Variants in SGK3 observed in about 807,000 individuals in gnomAD.
The protein encoded by SGK3 is serine/threonine-protein kinase Sgk3.
A neutral mutation model predicts 68.5 loss-of-function variants in SGK3; 47 were observed. The observed-to-expected ratio is 0.69, with a 90% CI of 0.54 to 0.87. The LOEUF (loss-of-function observed/expected upper bound fraction) is 0.87. SGK3 is among the 40% of genes least tolerant of loss of function. The pLI, the probability that SGK3 is intolerant of heterozygous loss-of-function variation, is 0.00. For synonymous variants in SGK3, 181 were observed against 189.1 expected (o/e 0.96, Z 0.35); for missense variants, 479 against 575.5 (o/e 0.83, Z 1.72).
chr8:66,784,724 A>G (rs1807128906), intron 1 of SGK3, among the ~76,000 whole-genome samples: 1 of 152,156 alleles, frequency 6.6e-6, no homozygotes, highest in Non-Finnish European at 1.5e-5. Context: ...TTTAATGTTC[A>G]TCTATTTTAA....
intron 1 of SGK3, among the ~76,000 whole-genome samples, chr8:66,755,822 C>G (rs1805957962): frequency 6.6e-6 from 1 of 152,120 alleles, no homozygotes; most frequent in African/African-American, 2.4e-5. Flanking sequence ...TATGTATTAA[C>G]AGGGTAAGTG....
intron 1 of SGK3, among the ~76,000 whole-genome samples, chr8:66,768,617 T>C (rs1276423503): frequency 3.3e-5 from 5 of 152,154 alleles, no homozygotes. Flanking sequence ...CAGTCTGGAG[T>C]GCAGTGGTGC....
At chr8:66,731,756 G>T (rs1422834582) in intron 1 of SGK3, among the ~76,000 whole-genome samples, 1 of 152,090 alleles carries the variant, frequency 6.6e-6, no homozygotes, top group Admixed American at 6.6e-5. Flanking sequence ...GGATGGTCTC[G>T]ATCTCCTGAC....
intron 1 of SGK3, among the ~76,000 whole-genome samples, chr8:66,757,177 G>A (rs956838704): frequency 6.7e-6 from 1 of 148,908 alleles, no homozygotes; most frequent in Admixed American, 6.7e-5. Flanking sequence ...TGTTGCCCAG[G>A]CTGGAATGCA....
chr8:66,820,737 T>C (rs1808776974), intron 5 of SGK3, among the ~76,000 whole-genome samples: 1 of 152,220 alleles, frequency 6.6e-6, no homozygotes. Context: ...AAGTTGTTGC[T>C]TTGTCACCCA....
At chr8:66,762,218 C>T (rs1806193129) in intron 1 of SGK3, among the ~76,000 whole-genome samples, 1 of 152,176 alleles carries the variant, frequency 6.6e-6, no homozygotes, top group Non-Finnish European at 1.5e-5. Flanking sequence ...ATCCACCCAC[C>T]TTGGCCTCCC....
chr8:66,726,315 T>G (rs1804983979), intron 1 of SGK3, among the ~76,000 whole-genome samples: 1 of 152,194 alleles, frequency 6.6e-6, no homozygotes. Flanking sequence ...GGTTGCTGTT[T>G]GTGGCAACAC....
chr8:66,850,997 T>G, intron 16 of SGK3, 77 bp downstream of exon 16: 1 of 1,423,374 alleles, frequency 7.0e-7, no homozygotes, highest in South Asian at 1.3e-5. Context: ...AAACTAGATC[T>G]CAGAATCACC....
At position 66,840,241 on chromosome 8, in the gene SGK3, T is replaced by C; in HGVS notation, c.885T>C (p.Asp295=). 6.3e-7 allele frequency: 1 copy of C among 1,587,270 alleles called. No individual in the cohort carries two copies. The highest frequency in any genetic ancestry group is 8.6e-7 in the Non-Finnish European group (1 of 1,168,754). ...TGAAACCAGAAAATATTCTTTTGGA[T>C]TCAGTAGTAAGTATTCTCTTTTAAA... ...RDLKPENILL[D]SVGHVVLTDF... Residue 295 remains aspartate (D), a synonymous_variant, in exon 12 of 17, where the codon GAT becomes GAC. Coordinates refer to ENST00000521198, the MANE Select transcript of SGK3 (RefSeq NM_001033578.3).
Position 66,714,951 on chromosome 8 carries a change from T to C in SGK3, c.-122+2118T>C, listed in dbSNP as rs118047039. On this transcript the variant is annotated intron_variant, in intron 1 of 16. Coordinates refer to ENST00000521198, the MANE Select transcript of SGK3 (RefSeq NM_001033578.3). ...CATCTGTGGAATGAATGACTCCAAA[T>C]GGCTTCAGATATCTTGCTCTTTCAA... Among the ~76,000 whole-genome samples, 62 of 152,334 alleles carry C rather than the reference T, an allele frequency of 4.1e-4. No homozygotes were observed. The East Asian group carries it at 0.012, about 28-fold the overall frequency.
At chr8:66,805,336 G>A (rs1808110991) in intron 4 of SGK3, among the ~76,000 whole-genome samples, 2 of 151,758 alleles carry the variant, frequency 1.3e-5, no homozygotes, top group African/African-American at 4.8e-5. Flanking sequence ...TGGCTAAAAC[G>A]GTGAAACCCC....
chr8:66,822,541 A>T, intron 6 of SGK3, 82 bp downstream of exon 6: 4 of 1,313,904 alleles, frequency 3.0e-6, no homozygotes, highest in Non-Finnish European at 4.3e-6. Flanking sequence ...CTTACTTCAA[A>T]TGAAGTAATT....
At chr8:66,813,302 G>T (rs895662210) in intron 4 of SGK3, among the ~76,000 whole-genome samples, 4 of 152,158 alleles carry the variant, frequency 2.6e-5, no homozygotes, top group African/African-American at 4.8e-5. Flanking sequence ...ACAATTACTT[G>T]TTAGGAAAGT....
chr8:66,819,607 T>C (rs1311435182), intron 5 of SGK3, among the ~76,000 whole-genome samples: 1 of 152,292 alleles, frequency 6.6e-6, no homozygotes, highest in East Asian at 1.9e-4. Context: ...AAAATTTAAA[T>C]ATATTGTGAT....
intron 6 of SGK3, among the ~76,000 whole-genome samples, chr8:66,826,554 T>C (rs562028524): frequency 6.6e-6 from 1 of 152,364 alleles, no homozygotes; most frequent in African/African-American, 2.4e-5. Context: ...ATGAATTTTT[T>C]ATGTATAGGT....
intron 1 of SGK3, among the ~76,000 whole-genome samples, chr8:66,762,738 T>A (rs1461776102): frequency 1.3e-5 from 2 of 152,218 alleles, no homozygotes; most frequent in African/African-American, 4.8e-5. Context: ...ATTCTGTATA[T>A]CTGCTGCCTT....
At position 66,779,583 on chromosome 8, in the gene SGK3, T is replaced by TATATATATAC. The variant is rs1806880367; in HGVS notation, c.-121-14024_-121-14023insCATATATATA. On this transcript the variant is annotated intron_variant, in intron 1 of 16. Transcript: ENST00000521198. Reference sequence around the variant, plus strand: ...GTGAATATATATATATATATATATATATATATATATATATATATAAAACAC... The same window carrying TATATATATAC: ...GTGAATATATATATATATATATATATATATATATACATATATATATATATATATAAAACAC... 2.2e-5 allele frequency among the ~76,000 whole-genome samples: 3 copies of TATATATATAC among 136,506 alleles called. No individual in the cohort carries two copies. The South Asian group carries it at 6.9e-4, about 31-fold the overall frequency. The allele number at this position is 136,506 out of a possible 152,430, so 89.6% of individuals were successfully genotyped here. A position where few individuals can be genotyped will look rare whatever the true frequency, so the allele number is the denominator to read the frequency against.
At chr8:66,794,675 G>A (rs903683069) in intron 2 of SGK3, among the ~76,000 whole-genome samples, 11 of 152,028 alleles carry the variant, frequency 7.2e-5, no homozygotes, top group South Asian at 2.1e-4. Context: ...TCTCTTACTT[G>A]AACACGCATC....
chr8:66,766,509 C>T (rs750598812), intron 1 of SGK3, among the ~76,000 whole-genome samples: 1 of 152,042 alleles, frequency 6.6e-6, no homozygotes, highest in Non-Finnish European at 1.5e-5. Context: ...GGCGACAGAG[C>T]AAGACTGTCT....
Sources: gnomAD v4.1 joint callset for allele counts (sites outside exome capture counted in the v4.1 genomes callset) on GRCh38, gnomAD v4.1.1 for gene constraint, MANE v1.5 for transcripts, NCBI Gene and HGNC (gene_info 2026-07-23, HGNC 2026-07-21) for gene names.